PALM2AKAP2: variants seen among roughly 807,000 people sequenced by gnomAD.
The protein encoded by PALM2AKAP2 is PALM2 and AKAP2 fusion, also known as PALM2-AKAP2 fusion protein.
In PALM2AKAP2, 37 loss-of-function variants were observed where a neutral mutation model predicts 71.5. That is an observed-to-expected ratio of 0.52 (90% CI 0.40 to 0.68). The LOEUF is 0.68. Ranked by LOEUF, PALM2AKAP2 falls within the 30% of genes least tolerant of loss-of-function variation. PALM2AKAP2 has a pLI of 0.00. For synonymous variants in PALM2AKAP2, 468 were observed against 478.8 expected, an observed-to-expected ratio of 0.98 and a Z score of 0.29; for missense variants, 1,224 against 1,191.8, an observed-to-expected ratio of 1.03 and a Z score of -0.40.
chr9:110,058,597 C>G (rs1588083427), intron 1 of PALM2AKAP2, among the ~76,000 whole-genome samples: 1 of 152,268 alleles, frequency 6.6e-6, no homozygotes, highest in African/African-American at 2.4e-5. Context: ...AACCAAAGCG[C>G]TGTTTCTACC....
intron 1 of PALM2AKAP2, among the ~76,000 whole-genome samples, chr9:109,765,037 C>T (rs933826439): frequency 6.6e-6 from 1 of 152,218 alleles, no homozygotes; most frequent in Non-Finnish European, 1.5e-5. Flanking sequence ...GCTGAGCAAA[C>T]TCATTATAGC....
intron 6 of PALM2AKAP2, among the ~76,000 whole-genome samples, chr9:109,995,483 T>C (rs548425605): frequency 1.2e-4 from 18 of 152,272 alleles, no homozygotes; most frequent in East Asian, 3.9e-4. Flanking sequence ...GGGTAATTTA[T>C]AAACAAAAGA....
chr9:110,146,890 AG>A (rs759335522), intron 2 of PALM2AKAP2, among the ~76,000 whole-genome samples: 1 of 152,190 alleles, frequency 6.6e-6, no homozygotes, highest in Non-Finnish European at 1.5e-5. Context: ...TAAACTTAAA[AG>A]GGTTCCCAAA....
chr9:110,029,534 T>C (rs1448015518), intron 7 of PALM2AKAP2, among the ~76,000 whole-genome samples: 2 of 152,178 alleles, frequency 1.3e-5, no homozygotes, highest in Non-Finnish European at 2.9e-5. Flanking sequence ...ATTCCAGCAG[T>C]GAGAATGACT....
chr9:110,042,991 G>T (rs759650663), intron 7 of PALM2AKAP2, among the ~76,000 whole-genome samples: 4 of 152,012 alleles, frequency 2.6e-5, no homozygotes, highest in Admixed American at 2.6e-4. Flanking sequence ...CAAATACTAG[G>T]TCTTATTCAT....
intron 2 of PALM2AKAP2, chr9:110,148,449 C>G (rs920483875): frequency 4.6e-5 from 7 of 152,266 alleles, no homozygotes; most frequent in African/African-American, 1.7e-4. Context: ...CTGGGGCCTT[C>G]AAAGGAGGAG....
intron 1 of PALM2AKAP2, among the ~76,000 whole-genome samples, chr9:109,691,653 T>C (rs902706176): frequency 2.0e-5 from 3 of 151,354 alleles, no homozygotes; most frequent in Non-Finnish European, 4.4e-5. Flanking sequence ...AAAGACTAAA[T>C]TTAGTTTCCC....
chr9:109,853,623 C>T (rs1404450210), intron 1 of PALM2AKAP2, among the ~76,000 whole-genome samples: 1 of 152,200 alleles, frequency 6.6e-6, no homozygotes, highest in Non-Finnish European at 1.5e-5. Context: ...TGCTCATTGG[C>T]ATAATTTCCC....
At chr9:109,717,169 A>T (rs1374157487) in intron 1 of PALM2AKAP2, among the ~76,000 whole-genome samples, 1 of 152,140 alleles carries the variant, frequency 6.6e-6, no homozygotes. Flanking sequence ...ATGATGAAAG[A>T]AGATGAAGGC....
chr9:110,065,462 A>G (rs767380758), intron 1 of PALM2AKAP2, among the ~76,000 whole-genome samples: 17 of 152,210 alleles, frequency 1.1e-4, no homozygotes, highest in Non-Finnish European at 2.2e-4. Flanking sequence ...CCTGAGCTCC[A>G]GCGATCCTCC....
At chr9:109,669,736 GT>G (rs35809154) in intron 1 of PALM2AKAP2, among the ~76,000 whole-genome samples, 55,435 of 151,636 alleles carry the variant, frequency 0.37, 10,411 homozygotes, top group Middle Eastern at 0.51. Context: ...TTGACATAAA[GT>G]TTTTCATAAT....
chr9:109,970,170 G>T (rs1185724682), intron 6 of PALM2AKAP2, among the ~76,000 whole-genome samples: 1 of 152,120 alleles, frequency 6.6e-6, no homozygotes, highest in African/African-American at 2.4e-5. Context: ...TAAGCTTCCA[G>T]TTCATCTCAG....
chr9:110,092,552 A>AT (rs959210992), intron 1 of PALM2AKAP2, among the ~76,000 whole-genome samples: 87 of 151,826 alleles, frequency 5.7e-4, no homozygotes, highest in African/African-American at 1.9e-3. Context: ...TGCACTTTAG[A>AT]TTTTTTTTTA....
At chr9:109,654,809 C>T (rs1217682239) in intron 1 of PALM2AKAP2, among the ~76,000 whole-genome samples, 1 of 150,004 alleles carries the variant, frequency 6.7e-6, no homozygotes, top group African/African-American at 2.5e-5. Flanking sequence ...TTTTTAAAGC[C>T]TCCTTCTAAA....
intron 1 of PALM2AKAP2, among the ~76,000 whole-genome samples, chr9:110,082,507 T>C (rs1237210835): frequency 6.6e-6 from 1 of 152,214 alleles, no homozygotes; most frequent in Admixed American, 6.5e-5. Flanking sequence ...TTTGTAATAA[T>C]TCTTACGTAC....
intron 1 of PALM2AKAP2, among the ~76,000 whole-genome samples, chr9:110,125,235 G>A (rs1835571067): frequency 6.6e-6 from 1 of 152,094 alleles, no homozygotes; most frequent in African/African-American, 2.4e-5. Flanking sequence ...CTGAATTGCC[G>A]AGAAGACAGT....
intron 6 of PALM2AKAP2, among the ~76,000 whole-genome samples, chr9:109,975,473 A>G (rs750855882): frequency 1.3e-4 from 20 of 152,236 alleles, no homozygotes; most frequent in Admixed American, 5.2e-4. Flanking sequence ...TACCAATTCA[A>G]TGCTAATCTC....
chr9:109,658,640 C>G (rs10816847), intron 1 of PALM2AKAP2, among the ~76,000 whole-genome samples: 2 of 151,918 alleles, frequency 1.3e-5, no homozygotes, highest in African/African-American at 4.8e-5. Context: ...CAATTGCACA[C>G]GGCTGAGGAG....
intron 3 of PALM2AKAP2, among the ~76,000 whole-genome samples, chr9:109,889,062 G>A (rs1830029987): frequency 6.6e-6 from 1 of 152,162 alleles, no homozygotes; most frequent in African/African-American, 2.4e-5. Flanking sequence ...AGTAGTTCCA[G>A]AATACAGAAC....
Sources: allele counts gnomAD v4.1 joint callset (sites outside exome capture counted in the v4.1 genomes callset), GRCh38; gene constraint gnomAD v4.1.1; transcripts MANE v1.5; gene names NCBI Gene and HGNC (gene_info 2026-07-23, HGNC 2026-07-21).